The following SDK1 variants were observed in gnomAD, a reference collection of about 807,000 sequenced individuals.
SDK1 encodes sidekick cell adhesion molecule 1, also known as protein sidekick-1.
SDK1 carries 157 observed loss-of-function variants against 245.5 expected under a neutral mutation model. That is an observed-to-expected ratio of 0.64 (90% CI 0.56 to 0.73). The LOEUF (loss-of-function observed/expected upper bound fraction) is 0.73, where lower values mean the gene tolerates loss of function less well. Among genes scored for constraint, SDK1 ranks in the 30% least tolerant of loss-of-function variants. The probability of loss-of-function intolerance (pLI) is 0.00; values close to 1 mark genes in which losing one functional copy is unlikely to be tolerated. For missense variants in SDK1, 3,583 were observed against 3,002.3 expected, an observed-to-expected ratio of 1.19 and a Z score of -4.52; for synonymous variants, 1,647 against 1,278.5, an observed-to-expected ratio of 1.29 and a Z score of -6.15.
At chr7:3,516,592 A>G (rs184187428) in intron 1 of SDK1, among the ~76,000 whole-genome samples, 3 of 152,288 alleles carry the variant, frequency 2.0e-5, no homozygotes, top group Non-Finnish European at 2.9e-5. Flanking sequence ...CTCTTAAGGA[A>G]TTCATTTTCT....
intron 1 of SDK1, among the ~76,000 whole-genome samples, chr7:3,549,908 C>A (rs961468713): frequency 1.3e-5 from 2 of 151,956 alleles, no homozygotes; most frequent in Non-Finnish European, 2.9e-5. Context: ...GAAAAAAAAA[C>A]CCATTTTGGT....
intron 4 of SDK1, among the ~76,000 whole-genome samples, chr7:3,722,597 T>A (rs6970399): frequency 0.015 from 2,283 of 152,202 alleles, 57 homozygotes; most frequent in African/African-American, 0.053. Flanking sequence ...TGTACGCGCC[T>A]TAGCACGCTG....
intron 1 of SDK1, among the ~76,000 whole-genome samples, chr7:3,407,792 A>T (rs928583735): frequency 6.6e-6 from 1 of 152,176 alleles, no homozygotes; most frequent in Non-Finnish European, 1.5e-5. Context: ...CTTCTCCTCA[A>T]GGAGTTCCCA....
At chr7:4,100,205 C>A (rs569208241) in intron 22 of SDK1, among the ~76,000 whole-genome samples, 7 of 152,272 alleles carry the variant, frequency 4.6e-5, no homozygotes, top group African/African-American at 1.7e-4. Flanking sequence ...GGGATCAGAT[C>A]TGATGGGAGG....
intron 4 of SDK1, among the ~76,000 whole-genome samples, chr7:3,753,424 CAAGAG>C (rs1779830606): frequency 6.6e-6 from 1 of 152,130 alleles, no homozygotes; most frequent in Admixed American, 6.5e-5. Flanking sequence ...CTTTACAAAA[CAAGAG>C]AAGATCATTT....
chr7:3,597,943 G>A (rs1050857300), intron 1 of SDK1, among the ~76,000 whole-genome samples: 1 of 151,936 alleles, frequency 6.6e-6, no homozygotes, highest in Non-Finnish European at 1.5e-5. Context: ...TTTTCCTCTT[G>A]GGGGAAATAT....
chr7:3,358,530 C>A (rs911333794), intron 1 of SDK1, among the ~76,000 whole-genome samples: 1 of 151,972 alleles, frequency 6.6e-6, no homozygotes, highest in Admixed American at 6.6e-5. Flanking sequence ...TGCCCAGAGT[C>A]AGCCATCATT....
rs1033277558 is a variant in SDK1, at chr7:4,178,730, C to A, written c.5098+144C>A. On this transcript the variant is annotated intron_variant, in intron 35 of 44. Transcript: ENST00000404826. The stretch of plus-strand genomic sequence containing the variant: ...TGCTGTCGGGGCTGAGGTCTCCACG[C>A]CACTGGCAGGGAAAGATGGGCTCAG... 37 of 617,352 alleles carry A rather than the reference C, an allele frequency of 6.0e-5. No individual in the cohort carries two copies. In the African/African-American group the frequency reaches 6.4e-4, roughly 11 times the overall value. 38.2% of individuals were successfully genotyped at this position (617,352 alleles called of 1,614,324 possible).
intron 1 of SDK1, among the ~76,000 whole-genome samples, chr7:3,562,529 G>T (rs969997159): frequency 6.6e-6 from 1 of 152,188 alleles, no homozygotes; most frequent in African/African-American, 2.4e-5. Flanking sequence ...ACTGAAGTGG[G>T]CTTTAGCTTC....
chr7:3,703,034 TA>T (rs945147230), intron 4 of SDK1, among the ~76,000 whole-genome samples: 1 of 131,970 alleles, frequency 7.6e-6, no homozygotes, highest in Non-Finnish European at 1.6e-5. Context: ...GTAGTTTCTT[TA>T]AAAAGTAAAT....
chr7:3,510,488 G>A (rs1028805708), intron 1 of SDK1, among the ~76,000 whole-genome samples: 1 of 152,128 alleles, frequency 6.6e-6, no homozygotes, highest in Non-Finnish European at 1.5e-5. Context: ...AAAGGCATGG[G>A]ATTTATTTAA....
chr7:3,454,020 A>T (rs558690078), intron 1 of SDK1, among the ~76,000 whole-genome samples: 1 of 152,328 alleles, frequency 6.6e-6, no homozygotes, highest in East Asian at 1.9e-4. Context: ...AGTTATGTAG[A>T]TTTTTAAACA....
At chr7:4,260,332 C>T (rs13242954) in intron 44 of SDK1, among the ~76,000 whole-genome samples, 4 of 131,018 alleles carry the variant, frequency 3.1e-5, no homozygotes, top group Non-Finnish European at 4.8e-5. Flanking sequence ...CTGGCTGCTC[C>T]GGGGCCTCGG....
intron 1 of SDK1, among the ~76,000 whole-genome samples, chr7:3,387,004 T>A (rs767544988): frequency 2.0e-5 from 3 of 152,130 alleles, no homozygotes; most frequent in Non-Finnish European, 2.9e-5. Context: ...TCATCTTCAG[T>A]TAGTTGAGAT....
At chr7:3,397,614 C>G (rs956615744) in intron 1 of SDK1, among the ~76,000 whole-genome samples, 1 of 151,662 alleles carries the variant, frequency 6.6e-6, no homozygotes, top group Non-Finnish European at 1.5e-5. Flanking sequence ...TTTACAGATT[C>G]TGTCTTTGAA....
intron 5 of SDK1, among the ~76,000 whole-genome samples, chr7:3,894,895 G>A (rs1781560907): frequency 1.3e-5 from 2 of 151,950 alleles, no homozygotes; most frequent in Admixed American, 6.6e-5. Context: ...GTTTCACCAT[G>A]TCGGCCAACT....
At chr7:3,565,434 T>C (rs1016761149) in intron 1 of SDK1, among the ~76,000 whole-genome samples, 6 of 152,218 alleles carry the variant, frequency 3.9e-5, no homozygotes, top group African/African-American at 1.4e-4. Flanking sequence ...TTTCATTTTA[T>C]GTCCTGATCA....
intron 1 of SDK1, among the ~76,000 whole-genome samples, chr7:3,508,328 T>C (rs1562529405): frequency 1.6e-5 from 1 of 64,152 alleles, no homozygotes; most frequent in Non-Finnish European, 2.8e-5. Flanking sequence ...TTCTTCTTCT[T>C]TTTTTTTTTT....
In SDK1 at chr7:4,079,491, C is replaced by A; in HGVS notation, c.3231C>A (p.Val1077=). ...TTCCTGGTGCCCCATCCAACCTGGT[C>A]ATTTCCAACATCAGCCCTCGCTCCG... is the stretch of plus-strand genomic sequence containing the variant. ...PDLPGAPSNL[V]ISNISPRSAT... Residue 1077 remains valine (V), a synonymous_variant, in exon 22 of 45, where the codon GTC becomes GTA. Coordinates refer to ENST00000404826, the MANE Select transcript of SDK1 (RefSeq NM_152744.4). 6.2e-7 allele frequency: 1 copy of A among 1,614,232 alleles called. No homozygotes were observed. Among genetic ancestry groups the A allele is most frequent in the South Asian group, 1.1e-5 (1 of 91,076 alleles).
Sources: allele counts gnomAD v4.1 joint callset (sites outside exome capture counted in the v4.1 genomes callset), GRCh38; gene constraint gnomAD v4.1.1; transcripts MANE v1.5; gene names NCBI Gene and HGNC (gene_info 2026-07-23, HGNC 2026-07-21).